Variants in KPNA5 observed in about 807,000 individuals in gnomAD.
The protein encoded by KPNA5 is karyopherin subunit alpha 5, also known as importin subunit alpha-6.
A neutral mutation model predicts 71.3 loss-of-function variants in KPNA5; 46 were observed. The ratio of observed to expected loss-of-function variants is 0.65; its 90% CI spans 0.51 to 0.83. KPNA5 has a LOEUF of 0.83. Among genes scored for constraint, KPNA5 ranks in the 40% least tolerant of loss-of-function variants. KPNA5 has a pLI of 0.00. For synonymous variants in KPNA5, 207 were observed against 201.4 expected, an observed-to-expected ratio of 1.03 and a Z score of -0.24; for missense variants, 547 against 628.3, an observed-to-expected ratio of 0.87 and a Z score of 1.38.
intron 7 of KPNA5, among the ~76,000 whole-genome samples, chr6:116,705,697 G>T (rs1416782646): frequency 2.0e-5 from 3 of 151,912 alleles, no homozygotes; most frequent in African/African-American, 4.8e-5. Flanking sequence ...TGAAATACAG[G>T]TTTATACATA....
chr6:116,686,494 G>T (rs933250618), intron 1 of KPNA5, among the ~76,000 whole-genome samples: 20 of 152,094 alleles, frequency 1.3e-4, no homozygotes, highest in Non-Finnish European at 2.6e-4. Context: ...CTCCCATTCT[G>T]TAGGTTGTCT....
At chr6:116,711,694 A>G (rs781000442) in intron 7 of KPNA5, among the ~76,000 whole-genome samples, 6 of 152,086 alleles carry the variant, frequency 3.9e-5, no homozygotes, top group Non-Finnish European at 5.9e-5. Context: ...TCACTTTTCA[A>G]AAATTTATCA....
intron 6 of KPNA5, 89 bp from the exon 7 acceptor site, chr6:116,704,983 G>T (rs1210988051): frequency 5.2e-6 from 4 of 770,316 alleles, no homozygotes; most frequent in East Asian, 2.7e-5. Flanking sequence ...AGAAACTGTT[G>T]CTTTGTTCAT....
chr6:116,698,289 C>T (rs1778103872), intron 4 of KPNA5, among the ~76,000 whole-genome samples: 1 of 151,896 alleles, frequency 6.6e-6, no homozygotes, highest in Non-Finnish European at 1.5e-5. Flanking sequence ...TCTTGTTTGA[C>T]AGACATTAGG....
intron 8 of KPNA5, among the ~76,000 whole-genome samples, chr6:116,719,431 GAACA>G (rs1436643946): frequency 6.6e-6 from 1 of 152,154 alleles, no homozygotes. Context: ...TTTCTTAGAG[GAACA>G]CTAAATTTCA....
intron 7 of KPNA5, among the ~76,000 whole-genome samples, chr6:116,714,800 C>G (rs1304844381): frequency 6.6e-6 from 1 of 152,172 alleles, no homozygotes; most frequent in Non-Finnish European, 1.5e-5. Flanking sequence ...AAAACAAAGG[C>G]AAGCCCTTTG....
Position 116,718,831 on chromosome 6 carries a change from G to A in KPNA5, c.756+2513G>A, listed in dbSNP as rs530481663. The stretch of plus-strand genomic sequence containing the variant: ...CGCCCAGGCTGGAGTGCAGTGGTAC[G>A]ATCTCAGCTCACTGCAACCTCTGCC... On this transcript the variant is annotated intron_variant, in intron 8 of 13. Coordinates refer to ENST00000368564, the MANE Select transcript of KPNA5 (RefSeq NM_001366306.2). Among the ~76,000 whole-genome samples the A allele has an allele frequency of 8.0e-5, 12 of 150,816 alleles. No homozygotes were observed. The East Asian group carries it at 1.2e-3, about 15-fold the overall frequency.
At chr6:116,721,098 A>C (rs1164877701) in intron 8 of KPNA5, among the ~76,000 whole-genome samples, 1 of 152,190 alleles carries the variant, frequency 6.6e-6, no homozygotes, top group Non-Finnish European at 1.5e-5. Flanking sequence ...AGAGATGGTA[A>C]CTGCTTTCAG....
chr6:116,684,099 G>A (rs980579945), intron 1 of KPNA5, among the ~76,000 whole-genome samples: 2 of 151,502 alleles, frequency 1.3e-5, no homozygotes, highest in Admixed American at 1.3e-4. Flanking sequence ...TTTCAGTAGA[G>A]ACAGGGTTTC....
Position 116,737,818 on chromosome 6 carries a change from A to G in KPNA5, c.*5495A>G, listed in dbSNP as rs1249129603. 3 of 151,882 alleles carry G rather than the reference A, an allele frequency of 2.0e-5. No homozygotes were observed. Among genetic ancestry groups the G allele is most frequent in the Non-Finnish European group, 4.4e-5 (3 of 67,922 alleles). 9.4% of individuals were successfully genotyped at this position (151,882 alleles called of 1,614,324 possible). On this transcript the variant is annotated 3_prime_UTR_variant, in exon 14 of 14. Transcript: ENST00000368564. The stretch of plus-strand genomic sequence containing the variant: ...GTTTTCTTGGTGCCTTTTTGTCTCA[A>G]TCACTTTCGCTGAATTCAGTTATAG...
Position 116,692,141 on chromosome 6 carries a change from T to C in KPNA5, c.225T>C (p.Thr75=). 1 of 1,606,526 alleles carries C rather than the reference T, an allele frequency of 6.2e-7. No homozygotes were observed. The highest frequency in any genetic ancestry group is 8.5e-7 in the Non-Finnish European group (1 of 1,173,846). The change falls in exon 3 of 14, where the codon ACT becomes ACC. Residue 75 remains threonine (T), a synonymous_variant. Coordinates refer to ENST00000368564, the MANE Select transcript of KPNA5 (RefSeq NM_001366306.2). ...SPIQDPDISS[T]VPIPEEEVVT... ...TACAGGATCCAGATATTAGTTCCAC[T>C]GTACCCATTCCAGAGGTATACTTTA...
chr6:116,700,862 CT>C (rs1013016029), intron 5 of KPNA5, among the ~76,000 whole-genome samples: 59 of 151,964 alleles, frequency 3.9e-4, no homozygotes, highest in African/African-American at 1.4e-3. Context: ...GAAAGTTTAC[CT>C]TTTTTTTAAA....
At chr6:116,725,613 T>A in intron 10 of KPNA5, 138 bp from the exon 11 acceptor site, 1 of 761,148 alleles carries the variant, frequency 1.3e-6, no homozygotes, top group Non-Finnish European at 2.0e-6. Context: ...AGACAGCAAG[T>A]TTTACTTTGG....
rs1405228729 is a variant in KPNA5 at position 116,741,690 on chromosome 6, C to G, written c.*9367C>G. 2 of 153,006 alleles carry G rather than the reference C, an allele frequency of 1.3e-5. No homozygotes were observed. Among genetic ancestry groups the G allele is most frequent in the African/African-American group, 4.8e-5 (2 of 41,418 alleles). The allele number at this position is 153,006 out of a possible 1,614,324, so 9.5% of individuals were successfully genotyped here. On this transcript the variant is annotated 3_prime_UTR_variant, in exon 14 of 14. Coordinates refer to ENST00000368564, the MANE Select transcript of KPNA5 (RefSeq NM_001366306.2). The stretch of plus-strand genomic sequence containing the variant: ...GCTGATGGAAAAGAAGATTATTAAA[C>G]CTTTGTTCTGGGATTTACTGTTAAA...
At chr6:116,729,531 C>T (rs1471864657) in intron 12 of KPNA5, 32 bp from the exon 13 acceptor site, 2 of 1,334,954 alleles carry the variant, frequency 1.5e-6, no homozygotes, top group Admixed American at 2.8e-5. Context: ...ATCTTTTTTT[C>T]CCTGTTTCTT....
At chr6:116,699,901 T>C (rs1208526627) in intron 5 of KPNA5, among the ~76,000 whole-genome samples, 3 of 152,230 alleles carry the variant, frequency 2.0e-5, no homozygotes, top group Non-Finnish European at 4.4e-5. Context: ...AATTCAGATG[T>C]TGTCCTGTCT....
At chr6:116,721,324 T>C (rs1213647313) in intron 8 of KPNA5, among the ~76,000 whole-genome samples, 1 of 152,198 alleles carries the variant, frequency 6.6e-6, no homozygotes, top group East Asian at 1.9e-4. Context: ...TTCTTTTTTT[T>C]TGTTTTTTAG....
chr6:116,732,075 TA>T (rs373093102), intron 13 of KPNA5, 60 bp from the exon 14 acceptor site: 87,366 of 125,686 alleles, frequency 0.7, 27,808 homozygotes, highest in South Asian at 0.75. Flanking sequence ...ACAGTTTGTT[TA>T]TATATATATA....
At chr6:116,704,988 G>T in intron 6 of KPNA5, 84 bp from the exon 7 acceptor site, 3 of 843,466 alleles carry the variant, frequency 3.6e-6, no homozygotes, top group South Asian at 1.8e-5. Context: ...CTGTTGCTTT[G>T]TTCATTGTGT....
Sources: gnomAD v4.1 joint callset for allele counts (sites outside exome capture counted in the v4.1 genomes callset) on GRCh38, gnomAD v4.1.1 for gene constraint, MANE v1.5 for transcripts, NCBI Gene and HGNC (gene_info 2026-07-23, HGNC 2026-07-21) for gene names.